The following RIN3 variants were observed in gnomAD, a reference collection of about 807,000 sequenced individuals.
RIN3 encodes Ras and Rab interactor 3.
RIN3 carries 54 observed loss-of-function variants against 76.3 expected under a neutral mutation model. The ratio of observed to expected loss-of-function variants is 0.71; its 90% confidence interval spans 0.57 to 0.89. RIN3 has a LOEUF of 0.89. Ranked by LOEUF, RIN3 falls within the 40% of genes least tolerant of loss-of-function variation. The pLI is 0.00. For missense variants in RIN3, 1,256 were observed against 1,322.1 expected (o/e 0.95, Z 0.78); for synonymous variants, 576 against 564.0 (o/e 1.02, Z -0.30).
At chr14:92,579,013 C>T (rs149798842) in intron 3 of RIN3, among the ~76,000 whole-genome samples, 11,088 of 151,936 alleles carry the variant, frequency 0.073, 457 homozygotes, top group Middle Eastern at 0.12. Flanking sequence ...CTGCAACCTC[C>T]GCCTCCCGGG....
intron 7 of RIN3, among the ~76,000 whole-genome samples, chr14:92,664,716 A>G (rs1179290943): frequency 2.0e-5 from 3 of 152,128 alleles, no homozygotes; most frequent in African/African-American, 7.2e-5. Flanking sequence ...TTTTGTCTGA[A>G]TAGCGTAAGG....
In RIN3 at chr14:92,652,781, G is replaced by A. The variant is rs1255173953; in HGVS notation, c.1732G>A (p.Ala578Thr). The change falls in exon 6 of 10, where the codon GCT (alanine) becomes ACT (threonine). Residue 578 changes from alanine (A) to threonine (T), a missense_variant. Coordinates refer to ENST00000216487, the MANE Select transcript of RIN3 (RefSeq NM_024832.5). The surrounding 1 kb of genome is among the most constrained non-coding windows in gnomAD (Gnocchi z 6.4). ...KKKPSMILGK[A>T]RHRLSFASFS... ...GAAGCCCTCCATGATCCTGGGCAAG[G>A]CTCGGCACCGGCTGAGCTTTGCCAG... 2 of 1,614,000 alleles carry A rather than the reference G, an allele frequency of 1.2e-6. No homozygotes were observed. Among genetic ancestry groups the A allele is most frequent in the Admixed American group, 3.3e-5 (2 of 60,034 alleles).
intron 4 of RIN3, 39 bp from the exon 5 acceptor site, chr14:92,641,199 T>C (rs1595476589): frequency 6.8e-7 from 1 of 1,477,810 alleles, no homozygotes; most frequent in Non-Finnish European, 9.5e-7. Flanking sequence ...ATGGACACGG[T>C]GGACCCAGAC....
Position 92,514,875 on chromosome 14 carries a change from CAGG to C in RIN3, c.44+902_44+904del, listed in dbSNP as rs1412699351. ...CGGGGAAAGCCTATTTCTGGGTACCCAGGAGCGCGTCTGGGGAGGCCATTCCCA... is the reference window on the plus strand; with the variant it reads ...CGGGGAAAGCCTATTTCTGGGTACCCAGCGCGTCTGGGGAGGCCATTCCCA... On this transcript the variant is annotated intron_variant, in intron 1 of 9. Transcript: ENST00000216487. The surrounding 1 kb of genome is among the most constrained non-coding windows in gnomAD (Gnocchi z 7.2). Among the ~76,000 whole-genome samples the C allele has an allele frequency of 8.5e-5, 13 of 152,282 alleles. No individual in the cohort carries two copies. In the East Asian group the frequency reaches 2.1e-3, roughly 25 times the overall value.
chr14:92,680,584 A>G (rs1303841773), intron 8 of RIN3, among the ~76,000 whole-genome samples: 1 of 152,146 alleles, frequency 6.6e-6, no homozygotes, highest in Non-Finnish European at 1.5e-5. Context: ...CCCACCTCCT[A>G]ACACCATCAC....
chr14:92,594,204 G>A (rs539269771), intron 3 of RIN3, among the ~76,000 whole-genome samples: 3 of 151,980 alleles, frequency 2.0e-5, no homozygotes, highest in South Asian at 2.1e-4. Flanking sequence ...AGGCCAAGGC[G>A]GGCAGATCAC....
intron 1 of RIN3, among the ~76,000 whole-genome samples, chr14:92,550,243 AG>A (rs1897387423): frequency 6.6e-6 from 1 of 152,228 alleles, no homozygotes; most frequent in African/African-American, 2.4e-5. Flanking sequence ...GAAGAGGAAG[AG>A]AAGCGTTATA....
intron 3 of RIN3, among the ~76,000 whole-genome samples, chr14:92,600,755 AAC>A (rs912686938): frequency 3.6e-4 from 55 of 152,336 alleles, no homozygotes; most frequent in African/African-American, 1.2e-3. Context: ...GGGTGTCTGA[AAC>A]ACGGCATTGT....
At chr14:92,659,091 G>C in intron 6 of RIN3, 70 bp from the exon 7 acceptor site, 1 of 1,472,146 alleles carries the variant, frequency 6.8e-7, no homozygotes, top group Admixed American at 1.7e-5. Flanking sequence ...CTGTGCTGTT[G>C]GGCAACAGAA....
intron 2 of RIN3, among the ~76,000 whole-genome samples, chr14:92,577,113 A>G (rs1898266328): frequency 6.6e-6 from 1 of 152,120 alleles, no homozygotes; most frequent in African/African-American, 2.4e-5. Context: ...TTATAGAAAC[A>G]TTGACTTCAT....
At chr14:92,570,090 G>T (rs975891982) in intron 2 of RIN3, among the ~76,000 whole-genome samples, 2 of 152,220 alleles carry the variant, frequency 1.3e-5, no homozygotes, top group African/African-American at 2.4e-5. Context: ...AGTGACCTGG[G>T]TGTGTGTCCC....
chr14:92,563,316 G>A (rs1009837603), intron 2 of RIN3, among the ~76,000 whole-genome samples: 3 of 152,106 alleles, frequency 2.0e-5, no homozygotes, highest in East Asian at 1.9e-4. Context: ...AGAAAAGATC[G>A]CACCACTGCA....
At position 92,651,710 on chromosome 14, in the gene RIN3, T is replaced by A. The variant is rs1353751587; in HGVS notation, c.661T>A (p.Cys221Ser). 2.5e-6 allele frequency: 4 copies of A among 1,613,956 alleles called. No individual in the cohort carries two copies. In the African/African-American group the frequency reaches 5.3e-5, roughly 22 times the overall value. The change falls in exon 6 of 10, where the codon TGT becomes AGT. Residue 221 changes from cysteine to serine, a missense_variant. This residue lies in a region of RIN3 where 610 missense variants were observed against 626.4 expected (regional missense o/e 0.97). Transcript: ENST00000216487. ...CACAGCCCATGACGCAAACTGTGCC[T>A]GTGAAATCGAGCTGTCGGTAGGAAA... Reference protein sequence around the residue: ...RPTAHDANCACEIELSVGNDR... With the variant: ...RPTAHDANCASEIELSVGNDR...
intron 3 of RIN3, among the ~76,000 whole-genome samples, chr14:92,596,866 T>C (rs1885164974): frequency 6.6e-6 from 1 of 152,184 alleles, no homozygotes; most frequent in South Asian, 2.1e-4. Context: ...GCTGTGTTTT[T>C]GGTGGCATGC....
At position 92,632,085 on chromosome 14, in the gene RIN3, C is replaced by T. The variant is rs377465607; in HGVS notation, c.441-9153C>T. On this transcript the variant is annotated intron_variant, in intron 4 of 9. Transcript: ENST00000216487. ...GAGAAGCCCAGTGAGGGTGCGACTG[C>T]AGGGTGACCCCAACCTCAGTCTGGT... Among the ~76,000 whole-genome samples, 12 of 152,240 alleles carry T rather than the reference C, an allele frequency of 7.9e-5. No individual in the cohort carries two copies. In the East Asian group the frequency reaches 1.9e-3, roughly 24 times the overall value.
At chr14:92,684,885 T>TGGTGGGCGGGGCTTGGAGGA in intron 8 of RIN3, 102 bp from the exon 9 acceptor site, 1 of 1,229,872 alleles carries the variant, frequency 8.1e-7, no homozygotes, top group Non-Finnish European at 1.2e-6. Flanking sequence ...CAAGCAGAGG[T>TGGTGGGCGGGGCTTGGAGGA]GGTGGGCGGG....
chr14:92,642,135 A>C (rs529157091), intron 5 of RIN3, among the ~76,000 whole-genome samples: 26 of 148,676 alleles, frequency 1.7e-4, no homozygotes, highest in Non-Finnish European at 3.7e-4. Context: ...ACAGGGTCTC[A>C]CTCTGTTGCC....
intron 7 of RIN3, among the ~76,000 whole-genome samples, chr14:92,673,971 G>A (rs546736316): frequency 2.6e-5 from 4 of 152,298 alleles, no homozygotes; most frequent in East Asian, 1.9e-4. Flanking sequence ...AGATACAGTC[G>A]TTGTTTCTTG....
chr14:92,626,545 A>G (rs1886361118), intron 4 of RIN3, among the ~76,000 whole-genome samples: 4 of 152,170 alleles, frequency 2.6e-5, no homozygotes, highest in Non-Finnish European at 5.9e-5. Context: ...TTAGAGGCAG[A>G]GGGGAAAGGA....
Sources: gnomAD v4.1 joint callset for allele counts (sites outside exome capture counted in the v4.1 genomes callset) on GRCh38, gnomAD v4.1.1 for gene constraint, gnomAD v4.1.1 regional missense constraint, Gnocchi (gnomAD v3.1) non-coding constraint, MANE v1.5 for transcripts, NCBI Gene and HGNC (gene_info 2026-07-23, HGNC 2026-07-21) for gene names.